Variants in NTN1 observed in about 807,000 individuals in gnomAD.
The protein encoded by NTN1 is netrin 1, also known as netrin-1.
In NTN1, 11 loss-of-function variants were observed where a neutral mutation model predicts 54.2. That is an observed-to-expected ratio of 0.20 (90% CI 0.13 to 0.34). The LOEUF (loss-of-function observed/expected upper bound fraction) is 0.34. Ranked by LOEUF, NTN1 falls within the 10% of genes least tolerant of loss-of-function variation. NTN1 has a pLI of 1.00. For missense variants in NTN1, 740 were observed against 893.1 expected (o/e 0.83, Z 2.18); for synonymous variants, 371 against 382.0 (o/e 0.97, Z 0.33).
chr17:9,194,376 C>G lies in NTN1; in HGVS notation c.1411+11407C>G, dbSNP rs541148273. ...GTTCCCTGTGTGGTACATGCTGTCA[C>G]TGTTAACTTCACCTACCGTTAAAGA... is the stretch of plus-strand genomic sequence containing the variant. On this transcript the variant is annotated intron_variant, in intron 5 of 6. Coordinates refer to ENST00000173229, the MANE Select transcript of NTN1 (RefSeq NM_004822.3). Among the ~76,000 whole-genome samples, 7 of 152,320 alleles carry G rather than the reference C, an allele frequency of 4.6e-5. No homozygotes were observed. In the East Asian group the frequency reaches 1.3e-3, roughly 29 times the overall value.
chr17:9,177,654 C>T (rs1233796009), intron 3 of NTN1: 4 of 152,240 alleles, frequency 2.6e-5, no homozygotes, highest in African/African-American at 9.7e-5. Context: ...GTGCTGTGGC[C>T]CTTTGCATTC....
At chr17:9,117,923 C>T (rs915835918) in intron 2 of NTN1, among the ~76,000 whole-genome samples, 2 of 152,108 alleles carry the variant, frequency 1.3e-5, no homozygotes, top group Non-Finnish European at 2.9e-5. Context: ...ACCTTTTTGT[C>T]CCCCTCATGT....
Position 9,047,275 on chromosome 17 carries a change from TG to T in NTN1, c.1018+23885del, listed in dbSNP as rs1230348899. Among the ~76,000 whole-genome samples, 9 of 152,374 alleles carry T rather than the reference TG, an allele frequency of 5.9e-5. No individual in the cohort carries two copies. In the East Asian group the frequency reaches 1.7e-3, roughly 29 times the overall value. Reference sequence around the variant, plus strand: ...CTCTTCCTTTCATGAAAGATTTTGCTGTAGCTGCATAATAGTATTTTACCCA... The same window carrying T: ...CTCTTCCTTTCATGAAAGATTTTGCTTAGCTGCATAATAGTATTTTACCCA... On this transcript the variant is annotated intron_variant, in intron 2 of 6. Transcript: ENST00000173229.
intron 6 of NTN1, among the ~76,000 whole-genome samples, chr17:9,233,465 C>T (rs1905883113): frequency 6.6e-6 from 1 of 152,006 alleles, no homozygotes; most frequent in Admixed American, 6.5e-5. Flanking sequence ...GGAGGGGCAT[C>T]CGTCAGTTCC....
chr17:9,213,732 C>T (rs565364523), intron 5 of NTN1, among the ~76,000 whole-genome samples: 2 of 152,282 alleles, frequency 1.3e-5, no homozygotes, highest in South Asian at 2.1e-4. Flanking sequence ...GATCAAATAG[C>T]GTGAAATCGA....
At chr17:9,123,862 A>G (rs1354956892) in intron 2 of NTN1, among the ~76,000 whole-genome samples, 1 of 152,220 alleles carries the variant, frequency 6.6e-6, no homozygotes, top group Non-Finnish European at 1.5e-5. Flanking sequence ...TGTAAGTGGT[A>G]AAACACCATG....
intron 2 of NTN1, among the ~76,000 whole-genome samples, chr17:9,092,736 C>A (rs989879348): frequency 7.3e-5 from 11 of 149,880 alleles, no homozygotes; most frequent in African/African-American, 2.7e-4. Flanking sequence ...GGATTACAGG[C>A]GCACACCACT....
At chr17:9,141,829 A>C (rs2092298709) in intron 2 of NTN1, among the ~76,000 whole-genome samples, 1 of 152,134 alleles carries the variant, frequency 6.6e-6, no homozygotes, top group African/African-American at 2.4e-5. Context: ...TGGGAAGCTG[A>C]GGCGGGTGGA....
chr17:9,199,023 C>T (rs1362507238), intron 5 of NTN1, among the ~76,000 whole-genome samples: 2 of 152,202 alleles, frequency 1.3e-5, no homozygotes, highest in Non-Finnish European at 1.5e-5. Flanking sequence ...GCTGCACCCA[C>T]TATTGTCCTA....
intron 2 of NTN1, among the ~76,000 whole-genome samples, chr17:9,126,306 C>T (rs1255624445): frequency 6.6e-6 from 1 of 152,154 alleles, no homozygotes; most frequent in Non-Finnish European, 1.5e-5. Flanking sequence ...GTCAGGAGTT[C>T]GAGACCAGCC....
At chr17:9,181,613 T>C (rs2092419171) in intron 4 of NTN1, among the ~76,000 whole-genome samples, 1 of 152,220 alleles carries the variant, frequency 6.6e-6, no homozygotes, top group South Asian at 2.1e-4. Context: ...CACTTGTTCT[T>C]CCTAAAGGAG....
At chr17:9,088,011 A>C (rs1775153321) in intron 2 of NTN1, among the ~76,000 whole-genome samples, 1 of 152,142 alleles carries the variant, frequency 6.6e-6, no homozygotes, top group Non-Finnish European at 1.5e-5. Flanking sequence ...CATGCTCCCC[A>C]CTGCTGTCCT....
chr17:9,236,325 A>G (rs1288547534), intron 6 of NTN1, among the ~76,000 whole-genome samples: 1 of 152,212 alleles, frequency 6.6e-6, no homozygotes, highest in Non-Finnish European at 1.5e-5. Flanking sequence ...GCTTCAAGCC[A>G]GAGGTTGGTC....
At position 9,235,221 on chromosome 17, in the gene NTN1, T is replaced by C. The variant is rs556748658; in HGVS notation, c.1487-4419T>C. Among the ~76,000 whole-genome samples the C allele has an allele frequency of 9.2e-5, 14 of 152,220 alleles. 1 individual carries two copies. In the South Asian group the frequency reaches 2.9e-3, roughly 32 times the overall value. On this transcript the variant is annotated intron_variant, in intron 6 of 6. Transcript: ENST00000173229. ...CTCAGGTGATCCACCCACCTCAGCC[T>C]CCCAAAGTGCTGGGATTACAGGTGT... is the stretch of plus-strand genomic sequence containing the variant.
intron 2 of NTN1, among the ~76,000 whole-genome samples, chr17:9,042,960 G>A (rs1342443678): frequency 6.6e-6 from 1 of 152,132 alleles, no homozygotes. Context: ...GTTAGAATTA[G>A]CCCATCTGAG....
Position 9,239,963 on chromosome 17 carries a change from G to A in NTN1, c.1810G>A (p.Ala604Thr), listed in dbSNP as rs746926114. ...TGAGAAGAAGGGCAAGTGCAAGAAG[G>A]CCTAGCGCCGAGGCAGCGGGCGGGC... ...QREKKGKCKK[A>T] Residue 604 changes from alanine (A) to threonine (T), a missense_variant, in exon 7 of 7, where the codon GCC (alanine) becomes ACC (threonine). Transcript: ENST00000173229. This position sits in a 1 kb window ranked among gnomAD's most constrained non-coding sequence, Gnocchi z 5.2. The A allele has an allele frequency of 3.1e-4, 129 of 421,072 alleles. No individual in the cohort carries two copies. Among genetic ancestry groups the A allele is most frequent in the Middle Eastern group, 1.7e-3 (3 of 1,796 alleles). 26.1% of individuals were successfully genotyped at this position (421,072 alleles called of 1,614,324 possible).
intron 5 of NTN1, among the ~76,000 whole-genome samples, chr17:9,202,550 T>G (rs1904829999): frequency 6.6e-6 from 1 of 152,208 alleles, no homozygotes; most frequent in Non-Finnish European, 1.5e-5. Context: ...GAATTTGGTC[T>G]TGCCGGTGGG....
intron 2 of NTN1, among the ~76,000 whole-genome samples, chr17:9,093,607 G>C (rs1297333419): frequency 6.6e-6 from 1 of 152,210 alleles, no homozygotes; most frequent in Non-Finnish European, 1.5e-5. Flanking sequence ...TGGTCCTCCT[G>C]CCGCAGCCTC....
chr17:9,192,120 T>C (rs67090214), intron 5 of NTN1, among the ~76,000 whole-genome samples: 27,416 of 152,132 alleles, frequency 0.18, 2,600 homozygotes, highest in Non-Finnish European at 0.21. Context: ...TTATGAAGGG[T>C]AATTTGGCAT....
Sources: allele counts gnomAD v4.1 joint callset (sites outside exome capture counted in the v4.1 genomes callset), GRCh38; gene constraint gnomAD v4.1.1; non-coding constraint Gnocchi (gnomAD v3.1); transcripts MANE v1.5; gene names NCBI Gene and HGNC (gene_info 2026-07-23, HGNC 2026-07-21).